APOC1: variants seen among roughly 807,000 people sequenced by gnomAD.
The protein encoded by APOC1 is apolipoprotein C-I.
In APOC1, 4 loss-of-function variants were observed where a neutral mutation model predicts 6.7. The observed-to-expected ratio is 0.60, with a 90% CI of 0.29 to 1.37. The LOEUF is 1.37. Among genes scored for constraint, APOC1 ranks in the 40% most tolerant of loss-of-function variants. The probability of loss-of-function intolerance (pLI) is 0.09; values close to 1 mark genes in which losing one functional copy is unlikely to be tolerated. For missense variants in APOC1, 122 were observed against 99.4 expected, an observed-to-expected ratio of 1.23 and a Z score of -0.97; for synonymous variants, 33 against 40.6, an observed-to-expected ratio of 0.81 and a Z score of 0.72.
At chr19:44,915,602 C>T (rs1199674659) in intron 2 of APOC1, among the ~76,000 whole-genome samples, 2 of 151,452 alleles carry the variant, frequency 1.3e-5, no homozygotes, top group Non-Finnish European at 2.9e-5. Flanking sequence ...CCGGCCATTC[C>T]TCCCCATTCT....
At chr19:44,918,514 A>G (rs970246686) in intron 3 of APOC1, among the ~76,000 whole-genome samples, 1 of 150,320 alleles carries the variant, frequency 6.7e-6, no homozygotes, top group African/African-American at 2.4e-5. Context: ...GGCACCTGCC[A>G]CCACGCCAGC....
At chr19:44,914,797 T>C (rs1276852464) in intron 1 of APOC1, 64 bp downstream of exon 1, 2 of 1,287,686 alleles carry the variant, frequency 1.6e-6, no homozygotes, top group Admixed American at 1.9e-5. Flanking sequence ...AAAAGGGAGA[T>C]GAGGGGATCG....
chr19:44,915,577 C>T (rs1201776287), intron 2 of APOC1, among the ~76,000 whole-genome samples: 1 of 149,572 alleles, frequency 6.7e-6, no homozygotes. Flanking sequence ...GGATTACAGG[C>T]GTGAGCCACC....
chr19:44,917,448 C>T (rs2122161918), intron 3 of APOC1, among the ~76,000 whole-genome samples: 1 of 152,086 alleles, frequency 6.6e-6, no homozygotes, highest in South Asian at 2.1e-4. Context: ...CATGGTGGCC[C>T]ATGCCTGTAG....
At chr19:44,917,689 C>T (rs957040981) in intron 3 of APOC1, among the ~76,000 whole-genome samples, 1 of 151,508 alleles carries the variant, frequency 6.6e-6, no homozygotes, top group African/African-American at 2.4e-5. Flanking sequence ...TTAGAAAGAT[C>T]GTTTGGAGGC....
Position 44,916,260 on chromosome 19 carries a change from A to G in APOC1, c.129A>G (p.Thr43=), listed in dbSNP as rs747560582. The change falls in exon 3 of 4, where the codon ACA becomes ACG. Residue 43 remains threonine, a synonymous_variant. Coordinates refer to ENST00000592535, the MANE Select transcript of APOC1 (RefSeq NM_001645.5). ...ATAAGCTGAAGGAGTTTGGAAACACACTGGAGGACAAGGCTCGGGAACTCA... is the reference window on the plus strand; with the variant it reads ...ATAAGCTGAAGGAGTTTGGAAACACGCTGGAGGACAAGGCTCGGGAACTCA... ...ALDKLKEFGN[T]LEDKARELIS... The G allele has an allele frequency of 5.0e-6, 8 of 1,613,726 alleles. No homozygotes were observed. In the Admixed American group the frequency reaches 1.3e-4, roughly 27 times the overall value.
At position 44,919,175 on chromosome 19, in the gene APOC1, A is replaced by C; in HGVS notation, c.197A>C (p.Glu66Ala). 1 of 1,613,588 alleles carries C rather than the reference A, an allele frequency of 6.2e-7. No individual in the cohort carries two copies. The highest frequency in any genetic ancestry group is 1.1e-5 in the South Asian group (1 of 91,076). The stretch of plus-strand genomic sequence containing the variant: ...CCCTTCCTTATTCCTCCCCACAGGG[A>C]GTGGTTTTCAGAGACATTTCAGAAA... Reference protein sequence around the residue: ...KQSELSAKMREWFSETFQKVK... With the variant: ...KQSELSAKMRAWFSETFQKVK... Residue 66 changes from glutamate to alanine, a missense_variant and splice_region_variant, in exon 4 of 4, where the codon GAG becomes GCG. Coordinates refer to ENST00000592535, the MANE Select transcript of APOC1 (RefSeq NM_001645.5).
Position 44,916,424 on chromosome 19 carries a change from C to T in APOC1, c.194+99C>T, listed in dbSNP as rs1481063274. The T allele has an allele frequency of 5.3e-6, 8 of 1,499,580 alleles. No individual in the cohort carries two copies. The African/African-American group carries it at 9.9e-5, about 19-fold the overall frequency. 92.9% of individuals were successfully genotyped at this position (1,499,580 alleles called of 1,614,324 possible). A position where few individuals can be genotyped will look rare whatever the true frequency, so the allele number is the denominator to read the frequency against. On this transcript the variant is annotated intron_variant, in intron 3 of 3. Coordinates refer to ENST00000592535, the MANE Select transcript of APOC1 (RefSeq NM_001645.5). Reference sequence around the variant, plus strand: ...GAACAGATTGAAAAAAAAACAAGTCCTGGAGAGGCTGACAACATCCCTCTG... The same window carrying T: ...GAACAGATTGAAAAAAAAACAAGTCTTGGAGAGGCTGACAACATCCCTCTG...
At chr19:44,915,196 G>A (rs1201768489) in intron 2 of APOC1, 5 of 559,902 alleles carry the variant, frequency 8.9e-6, no homozygotes, top group African/African-American at 1.9e-5. Context: ...TGGCTGTCCT[G>A]CTTCGACAGC....
rs773324927 is a variant in APOC1 at position 44,916,276 on chromosome 19, C to T, written c.145C>T (p.Arg49Trp). ...EFGNTLEDKA[R>W]ELISRIKQSE... ...TGGAAACACACTGGAGGACAAGGCTCGGGAACTCATCAGCCGCATCAAACA... is the reference window on the plus strand; with the variant it reads ...TGGAAACACACTGGAGGACAAGGCTTGGGAACTCATCAGCCGCATCAAACA... The change falls in exon 3 of 4, where the codon CGG becomes TGG. Residue 49 changes from arginine to tryptophan, a missense_variant. Coordinates refer to ENST00000592535, the MANE Select transcript of APOC1 (RefSeq NM_001645.5). 10 of 1,613,950 alleles carry T rather than the reference C, an allele frequency of 6.2e-6. No individual in the cohort carries two copies. The highest frequency in any genetic ancestry group is 4.4e-5 in the South Asian group (4 of 91,066).
At chr19:44,916,139 A>G in intron 2 of APOC1, 51 bp from the exon 3 acceptor site, 1 of 1,089,958 alleles carries the variant, frequency 9.2e-7, no homozygotes, top group South Asian at 2.3e-5. Flanking sequence ...TCCATCTCCA[A>G]AAAAAAAAAA....
chr19:44,914,819 T>C, intron 1 of APOC1, 53 bp from the exon 2 acceptor site: 2 of 1,446,274 alleles, frequency 1.4e-6, no homozygotes, highest in Middle Eastern at 2.0e-4. Flanking sequence ...GGGAGGGAGG[T>C]AGGGAGGGAG....
At chr19:44,918,093 C>A (rs1204622086) in intron 3 of APOC1, among the ~76,000 whole-genome samples, 3 of 151,398 alleles carry the variant, frequency 2.0e-5, no homozygotes, top group Non-Finnish European at 2.9e-5. Context: ...CATAATGAAA[C>A]CCTCTCTGTA....
chr19:44,914,960 G>A lies in APOC1; in HGVS notation c.58+11G>A. On this transcript the variant is annotated intron_variant, in intron 2 of 3. Coordinates refer to ENST00000592535, the MANE Select transcript of APOC1 (RefSeq NM_001645.5). ...CGATCGTCTTGGAAGGTAAAAGTGG[G>A]ATGGGAGAATTGCGGAGTTGGAGAT... 1 of 1,607,780 alleles carries A rather than the reference G, an allele frequency of 6.2e-7. No individual in the cohort carries two copies. Among genetic ancestry groups the A allele is most frequent in the Non-Finnish European group, 8.5e-7 (1 of 1,174,582 alleles).
intron 2 of APOC1, 101 bp from the exon 3 acceptor site, chr19:44,916,089 A>G (rs1271346328): frequency 7.4e-7 from 1 of 1,350,468 alleles, no homozygotes; most frequent in African/African-American, 1.6e-5. Flanking sequence ...GTAGGCCGAG[A>G]TCATGCCACT....
intron 2 of APOC1, chr19:44,915,315 CTTTTT>C (rs898326230): frequency 1.5e-5 from 2 of 132,382 alleles, no homozygotes; most frequent in Admixed American, 7.5e-5. Flanking sequence ...CCTCCCCATT[CTTTTT>C]TTTTTTTTTT....
intron 2 of APOC1, 186 bp downstream of exon 2, chr19:44,915,135 GC>G: frequency 4.8e-6 from 3 of 627,248 alleles, no homozygotes; most frequent in Non-Finnish European, 8.5e-6. Context: ...CCAAATCTGC[GC>G]AGGAGAGCAC....
At chr19:44,918,942 A>G in intron 3 of APOC1, 2 of 562,838 alleles carry the variant, frequency 3.6e-6, no homozygotes, top group Non-Finnish European at 6.3e-6. Context: ...TACAGGCGTG[A>G]GCCAAATGCC....
rs1217385594 is a variant in APOC1, at chr19:44,916,205, AG to A, written c.78del (p.Thr27ProfsTer11). Reference sequence around the variant, plus strand: ...TTCCTGGCAGGCCCAGCCCCAGCCCAGGGGACCCCAGACGTCTCCAGTGCCT... The same window carrying A: ...TTCCTGGCAGGCCCAGCCCCAGCCCAGGGACCCCAGACGTCTCCAGTGCCT... ...SIVLEGPAPA[Q>X]GTPDVSSALD... On this transcript the variant is annotated frameshift_variant, in exon 3 of 4. Transcript: ENST00000592535. LOFTEE classifies it high-confidence loss of function. The A allele has an allele frequency of 2.2e-5, 34 of 1,519,160 alleles. No homozygotes were observed. The highest frequency in any genetic ancestry group is 2.5e-5 in the Non-Finnish European group (28 of 1,123,206). 94.1% of individuals were successfully genotyped at this position (1,519,160 alleles called of 1,614,324 possible). A position where few individuals can be genotyped will look rare whatever the true frequency, so the allele number is the denominator to read the frequency against.
Sources: allele counts gnomAD v4.1 joint callset (sites outside exome capture counted in the v4.1 genomes callset), GRCh38; gene constraint gnomAD v4.1.1; transcripts MANE v1.5; gene names NCBI Gene and HGNC (gene_info 2026-07-23, HGNC 2026-07-21).